SORCS1: variants seen among roughly 807,000 people sequenced by gnomAD.
SORCS1 encodes the protein sortilin related VPS10 domain containing receptor 1.
In SORCS1, 60 loss-of-function variants were observed where a neutral mutation model predicts 146.1. The ratio of observed to expected loss-of-function variants is 0.41; its 90% confidence interval spans 0.33 to 0.51. The LOEUF (loss-of-function observed/expected upper bound fraction) is 0.51, where lower values mean the gene tolerates loss of function less well. SORCS1 is among the 20% of genes least tolerant of loss of function. The pLI is 0.21. For missense variants in SORCS1, 1,352 were observed against 1,487.6 expected (o/e 0.91, Z 1.50); for synonymous variants, 637 against 584.0 (o/e 1.09, Z -1.31).
chr10:106,998,765 G>A (rs547698486), intron 1 of SORCS1, among the ~76,000 whole-genome samples: 1 of 152,232 alleles, frequency 6.6e-6, no homozygotes, highest in South Asian at 2.1e-4. Context: ...AAAAACTGGT[G>A]GTTATATCTC....
the SORCS1 span, among the ~76,000 whole-genome samples, chr10:107,175,603 T>C: frequency 6.6e-6 from 1 of 152,066 alleles, no homozygotes; most frequent in Non-Finnish European, 1.5e-5. Context: ...GCCTGGCTAA[T>C]GCTTGTATTT....
At chr10:106,738,790 G>C (rs1857147672) in intron 5 of SORCS1, among the ~76,000 whole-genome samples, 1 of 152,158 alleles carries the variant, frequency 6.6e-6, no homozygotes, top group Non-Finnish European at 1.5e-5. Flanking sequence ...CCAGGAGTTT[G>C]AGACCAGCCT....
intron 1 of SORCS1, among the ~76,000 whole-genome samples, chr10:107,058,644 G>C (rs1314159312): frequency 6.6e-6 from 1 of 152,240 alleles, no homozygotes; most frequent in African/African-American, 2.4e-5. Context: ...CCACTTTTAT[G>C]CTTCAGTTTC....
chr10:106,958,284 C>T (rs1254055090), intron 1 of SORCS1, among the ~76,000 whole-genome samples: 1 of 152,164 alleles, frequency 6.6e-6, no homozygotes, highest in East Asian at 1.9e-4. Context: ...TTTGGCCCAG[C>T]CCAGCTGTTT....
intron 2 of SORCS1, among the ~76,000 whole-genome samples, chr10:106,924,403 A>C (rs1482983925): frequency 6.6e-6 from 1 of 152,220 alleles, no homozygotes; most frequent in Non-Finnish European, 1.5e-5. Flanking sequence ...AAAGCAAAGC[A>C]AAATTAAAAC....
At chr10:106,812,795 G>C (rs2136811122) in intron 3 of SORCS1, among the ~76,000 whole-genome samples, 1 of 152,254 alleles carries the variant, frequency 6.6e-6, no homozygotes, top group Non-Finnish European at 1.5e-5. Flanking sequence ...AGGGAGCTGA[G>C]AAAGACTAGT....
chr10:107,079,356 G>A (rs1963150297), intron 1 of SORCS1, among the ~76,000 whole-genome samples: 1 of 152,128 alleles, frequency 6.6e-6, no homozygotes, highest in African/African-American at 2.4e-5. Context: ...ACCCTTTCTG[G>A]AATTAGGCCA....
chr10:106,894,390 T>C (rs905440471), intron 2 of SORCS1, among the ~76,000 whole-genome samples: 2 of 152,058 alleles, frequency 1.3e-5, no homozygotes, highest in Admixed American at 6.6e-5. Flanking sequence ...CTTTTTTTTC[T>C]TTTTTTAAAG....
chr10:106,878,381 A>G (rs1480302505), intron 2 of SORCS1, among the ~76,000 whole-genome samples: 2 of 151,612 alleles, frequency 1.3e-5, no homozygotes, highest in African/African-American at 4.8e-5. Flanking sequence ...CTAATTACCA[A>G]TACAATGGTA....
At chr10:106,686,868 T>C (rs1276804375) in intron 10 of SORCS1, among the ~76,000 whole-genome samples, 2 of 152,116 alleles carry the variant, frequency 1.3e-5, no homozygotes, top group Non-Finnish European at 2.9e-5. Context: ...CCAGACTTTA[T>C]GGGATGGAAG....
rs1844498440 is a variant in SORCS1, at chr10:106,574,548, C to CT, written c.*2871_*2872insA. On this transcript the variant is annotated 3_prime_UTR_variant, in exon 26 of 26. Coordinates refer to ENST00000263054, the MANE Select transcript of SORCS1 (RefSeq NM_052918.5). Reference sequence around the variant, plus strand: ...CTCAAACTTTAGTATGTATCACAATCACTGGGAGGGCTTGTTAAAATAGGT... The same window carrying CT: ...CTCAAACTTTAGTATGTATCACAATCTACTGGGAGGGCTTGTTAAAATAGGT... 1 of 152,578 alleles carries CT rather than the reference C, an allele frequency of 6.6e-6. No individual in the cohort carries two copies. Among genetic ancestry groups the CT allele is most frequent in the Non-Finnish European group, 1.5e-5 (1 of 68,046 alleles). 9.5% of individuals were successfully genotyped at this position (152,578 alleles called of 1,614,324 possible).
intron 2 of SORCS1, among the ~76,000 whole-genome samples, chr10:106,863,207 T>C (rs1950089420): frequency 6.6e-6 from 1 of 152,006 alleles, no homozygotes; most frequent in Non-Finnish European, 1.5e-5. Flanking sequence ...AAGAGAACAT[T>C]AAAAATAAAA....
At chr10:107,121,160 T>C (rs1027665090) in intron 1 of SORCS1, among the ~76,000 whole-genome samples, 2 of 152,204 alleles carry the variant, frequency 1.3e-5, no homozygotes, top group Non-Finnish European at 2.9e-5. Flanking sequence ...GTTTCCCTTA[T>C]AAACTGCGGA....
chr10:106,702,790 T>C (rs1299197752), intron 8 of SORCS1, among the ~76,000 whole-genome samples: 1 of 152,344 alleles, frequency 6.6e-6, no homozygotes, highest in Non-Finnish European at 1.5e-5. Context: ...AATGTGGCAC[T>C]TTATGTTGAA....
intron 1 of SORCS1, among the ~76,000 whole-genome samples, chr10:106,970,305 C>T (rs1422504418): frequency 9.3e-5 from 14 of 150,644 alleles, no homozygotes; most frequent in Admixed American, 9.3e-4. Context: ...CTCTATTATC[C>T]CCTTCTTCCC....
chr10:106,874,153 T>C, intron 2 of SORCS1, among the ~76,000 whole-genome samples: 1 of 152,246 alleles, frequency 6.6e-6, no homozygotes, highest in Admixed American at 6.5e-5. Flanking sequence ...AAACTCTGTC[T>C]GGACCCCACA....
chr10:106,658,349 T>C (rs1850463250), intron 17 of SORCS1, among the ~76,000 whole-genome samples: 1 of 152,138 alleles, frequency 6.6e-6, no homozygotes, highest in African/African-American at 2.4e-5. Context: ...ATCATGCTTT[T>C]TGTGAAACCT....
Position 106,708,067 on chromosome 10 carries a change from T to C in SORCS1, c.1143+1156A>G, listed in dbSNP as rs1007393202. 2.6e-5 allele frequency among the ~76,000 whole-genome samples: 4 copies of C among 152,184 alleles called. No individual in the cohort carries two copies. The South Asian group carries it at 6.2e-4, about 24-fold the overall frequency. On this transcript the variant is annotated intron_variant, in intron 7 of 25. Transcript: ENST00000263054. ...AGAATTGATTCTCATTTGTAAGTCA[T>C]AGATGTGGATCACAAAGTGTTATTA... is the stretch of plus-strand genomic sequence containing the variant.
intron 1 of SORCS1, among the ~76,000 whole-genome samples, chr10:107,019,007 CACTT>C (rs762159786): frequency 2.6e-5 from 4 of 152,166 alleles, no homozygotes; most frequent in Non-Finnish European, 5.9e-5. Flanking sequence ...TTAGGTAACT[CACTT>C]TAACAATCTG....
Sources: allele counts gnomAD v4.1 joint callset (sites outside exome capture counted in the v4.1 genomes callset), GRCh38; gene constraint gnomAD v4.1.1; transcripts MANE v1.5; gene names NCBI Gene and HGNC (gene_info 2026-07-23, HGNC 2026-07-21).